Variants in CHRNB3 observed in about 807,000 individuals in gnomAD.
CHRNB3 encodes neuronal acetylcholine receptor subunit beta-3.
Under a neutral mutation model 40.6 loss-of-function variants are expected in CHRNB3, and 37 were observed. The ratio of observed to expected loss-of-function variants is 0.91; its 90% CI spans 0.70 to 1.20. The LOEUF (loss-of-function observed/expected upper bound fraction) is 1.20, where lower values mean the gene tolerates loss of function less well. CHRNB3 is among the 50% of genes most tolerant of loss of function. The pLI, the probability that CHRNB3 is intolerant of heterozygous loss-of-function variation, is 0.00. For missense variants in CHRNB3, 505 were observed against 551.2 expected (o/e 0.92, Z 0.84); for synonymous variants, 207 against 207.1 (o/e 1.00, Z 0.00).
intron 1 of CHRNB3, among the ~76,000 whole-genome samples, chr8:42,698,783 C>T (rs1010712690): frequency 6.6e-6 from 1 of 152,150 alleles, no homozygotes; most frequent in African/African-American, 2.4e-5. Context: ...CTTTATTATT[C>T]TATTTATTAT....
intron 3 of CHRNB3, among the ~76,000 whole-genome samples, chr8:42,713,678 T>A (rs558930716): frequency 6.6e-6 from 1 of 152,122 alleles, no homozygotes; most frequent in Non-Finnish European, 1.5e-5. Flanking sequence ...CCTCCCACCC[T>A]CCCACTCTTC....
intron 3 of CHRNB3, among the ~76,000 whole-genome samples, chr8:42,714,705 G>C (rs1373008707): frequency 6.6e-6 from 1 of 152,184 alleles, no homozygotes; most frequent in African/African-American, 2.4e-5. Context: ...TGCTAACTGT[G>C]TAACGGGAAT....
At chr8:42,703,637 C>T (rs541818288) in intron 1 of CHRNB3, among the ~76,000 whole-genome samples, 2 of 151,968 alleles carry the variant, frequency 1.3e-5, no homozygotes, top group South Asian at 2.1e-4. Flanking sequence ...GACCACTTGT[C>T]CTGGAAACCT....
At chr8:42,717,895 C>T (rs1193108298) in intron 3 of CHRNB3, among the ~76,000 whole-genome samples, 1 of 144,218 alleles carries the variant, frequency 6.9e-6, no homozygotes, top group Non-Finnish European at 1.5e-5. Flanking sequence ...TACAGTGGCA[C>T]AATCTCGGCT....
chr8:42,722,203 A>G (rs1422502883), intron 3 of CHRNB3, among the ~76,000 whole-genome samples: 1 of 152,020 alleles, frequency 6.6e-6, no homozygotes, highest in African/African-American at 2.4e-5. Flanking sequence ...GCAAAACCCC[A>G]TCTGTACTAA....
At chr8:42,716,130 C>T (rs952532303) in intron 3 of CHRNB3, among the ~76,000 whole-genome samples, 1 of 152,008 alleles carries the variant, frequency 6.6e-6, no homozygotes, top group Non-Finnish European at 1.5e-5. Context: ...CGCCGGCCAC[C>T]ATGCCCAGCT....
chr8:42,734,259 CAAAAAAAAA>C (rs769371275), intron 5 of CHRNB3, among the ~76,000 whole-genome samples: 14 of 23,972 alleles, frequency 5.8e-4, no homozygotes, highest in African/African-American at 1.6e-3. Flanking sequence ...GACTCCATCT[CAAAAAAAAA>C]AAAAAAAAAA....
Position 42,731,840 on chromosome 8 carries a change from G to A in CHRNB3, c.533G>A (p.Gly178Asp), listed in dbSNP as rs774592196. ...AAGTTTGGATCCTGGACTTATGATG[G>A]CACCATGGTTGACCTCATTTTGATC... ...SMKFGSWTYD[G>D]TMVDLILINE... Residue 178 changes from glycine to aspartate, a missense_variant, in exon 5 of 6, where the codon GGC becomes GAC. Transcript: ENST00000289957. 1.1e-5 allele frequency: 18 copies of A among 1,614,090 alleles called. No homozygotes were observed. The highest frequency in any genetic ancestry group is 1.3e-5 in the African/African-American group (1 of 74,984).
chr8:42,736,775 C>T lies in CHRNB3; in HGVS notation c.*157C>T, dbSNP rs1816532984. 2.2e-6 allele frequency: 2 copies of T among 922,834 alleles called. No homozygotes were observed. The highest frequency in any genetic ancestry group is 3.3e-6 in the Non-Finnish European group (2 of 605,564). 57.2% of individuals were successfully genotyped at this position (922,834 alleles called of 1,614,324 possible). On this transcript the variant is annotated 3_prime_UTR_variant, in exon 6 of 6. Transcript: ENST00000289957. ...CATGGGAGAAACTCTGGTAAATGTG[C>T]TCATTTGTGGTTGCCATGAGAGTGA... is the stretch of plus-strand genomic sequence containing the variant.
chr8:42,732,976 G>A (rs1019792326), intron 5 of CHRNB3, among the ~76,000 whole-genome samples: 1 of 151,856 alleles, frequency 6.6e-6, no homozygotes, highest in African/African-American at 2.4e-5. Flanking sequence ...AAAATGTAGT[G>A]TTACAACAGA....
Position 42,731,929 on chromosome 8 carries a change from G to C in CHRNB3, c.622G>C (p.Gly208Arg). 6.2e-7 allele frequency: 1 copy of C among 1,614,080 alleles called. No homozygotes were observed. Residue 208 changes from glycine (G) to arginine (R), a missense_variant, in exon 5 of 6, where the codon GGG (glycine) becomes CGG (arginine). Coordinates refer to ENST00000289957, the MANE Select transcript of CHRNB3 (RefSeq NM_000749.5). ...NGEWEILNAK[G>R]MKGNRRDGVY... is the part of the protein sequence containing the mutation. ...AGAATGGGAAATACTGAACGCAAAGGGGATGAAGGGGAACAGAAGGGACGG... is the reference window on the plus strand; with the variant it reads ...AGAATGGGAAATACTGAACGCAAAGCGGATGAAGGGGAACAGAAGGGACGG...
At chr8:42,708,570 T>C (rs1815958956) in intron 1 of CHRNB3, 147 bp from the exon 2 acceptor site, 2 of 747,054 alleles carry the variant, frequency 2.7e-6, no homozygotes, top group South Asian at 1.9e-5. Context: ...GACTCTTGCA[T>C]GCTCCAAGTT....
chr8:42,710,496 C>T, intron 3 of CHRNB3, 62 bp downstream of exon 3: 1 of 1,301,524 alleles, frequency 7.7e-7, no homozygotes. Context: ...TTTATAAAGG[C>T]TCCTATCTGA....
chr8:42,708,756 C>G lies in CHRNB3; in HGVS notation c.92C>G (p.Ala31Gly). 2 of 1,613,964 alleles carry G rather than the reference C, an allele frequency of 1.2e-6. No individual in the cohort carries two copies. The highest frequency in any genetic ancestry group is 1.7e-6 in the Non-Finnish European group (2 of 1,179,934). ...GFNSIAENEDALLRHLFQGYQ... is the reference protein window; with the variant it reads ...GFNSIAENEDGLLRHLFQGYQ... ...AACTCAATCGCCGAAAATGAAGATG[C>G]CCTCCTCAGACATTTGTTCCAAGGT... The change falls in exon 2 of 6, where the codon GCC becomes GGC. Residue 31 changes from alanine to glycine, a missense_variant. Physicochemically the swap from Ala to Gly is moderately conservative, Grantham distance 60 (BLOSUM62 0). Coordinates refer to ENST00000289957, the MANE Select transcript of CHRNB3 (RefSeq NM_000749.5).
At chr8:42,706,312 G>A (rs982517540) in intron 1 of CHRNB3, among the ~76,000 whole-genome samples, 3 of 152,162 alleles carry the variant, frequency 2.0e-5, no homozygotes, top group Admixed American at 6.5e-5. Flanking sequence ...TATGGGGTCA[G>A]GGAGACTGTG....
Position 42,736,855 on chromosome 8 carries a change from C to T in CHRNB3, c.*237C>T. The T allele has an allele frequency of 1.8e-6, 1 of 557,526 alleles. No individual in the cohort carries two copies. The highest frequency in any genetic ancestry group is 3.2e-6 in the Non-Finnish European group (1 of 316,128). The allele number at this position is 557,526 out of a possible 1,614,324, so 34.5% of individuals were successfully genotyped here. ...AGACCCCTGCCTTGGCTTTCCCAGA[C>T]ATTCAGGGAGGGATCATAGGTCCAG... On this transcript the variant is annotated 3_prime_UTR_variant, in exon 6 of 6. Transcript: ENST00000289957.
At chr8:42,702,272 G>A (rs575632962) in intron 1 of CHRNB3, among the ~76,000 whole-genome samples, 3 of 151,874 alleles carry the variant, frequency 2.0e-5, no homozygotes, top group South Asian at 2.1e-4. Flanking sequence ...TGGCCCTAAA[G>A]GAAATATATA....
intron 3 of CHRNB3, among the ~76,000 whole-genome samples, chr8:42,730,351 G>A (rs1001306825): frequency 2.6e-5 from 4 of 152,148 alleles, no homozygotes; most frequent in Non-Finnish European, 5.9e-5. Context: ...TCATGGTGAG[G>A]CAGATACAGT....
At chr8:42,719,636 G>A (rs1386037255) in intron 3 of CHRNB3, among the ~76,000 whole-genome samples, 1 of 152,148 alleles carries the variant, frequency 6.6e-6, no homozygotes, top group Non-Finnish European at 1.5e-5. Flanking sequence ...GACAGAGTGA[G>A]ACCCTGTCTA....
Sources: allele counts gnomAD v4.1 joint callset (sites outside exome capture counted in the v4.1 genomes callset), GRCh38; gene constraint gnomAD v4.1.1; transcripts MANE v1.5; gene names NCBI Gene and HGNC (gene_info 2026-07-23, HGNC 2026-07-21).